Variants in PREX2 observed in about 807,000 individuals in gnomAD.
PREX2 encodes phosphatidylinositol-3,4,5-trisphosphate dependent Rac exchange factor 2.
A neutral mutation model predicts 203.2 loss-of-function variants in PREX2; 107 were observed. The ratio of observed to expected loss-of-function variants is 0.53; its 90% CI spans 0.45 to 0.62. PREX2 has a LOEUF of 0.62. PREX2 is among the 20% of genes least tolerant of loss of function. The pLI is 0.00. For synonymous variants in PREX2, 672 were observed against 663.6 expected, an observed-to-expected ratio of 1.01 and a Z score of -0.19; for missense variants, 1,777 against 1,955.9, an observed-to-expected ratio of 0.91 and a Z score of 1.72.
chr8:67,995,050 A>C (rs1176326144), intron 1 of PREX2, among the ~76,000 whole-genome samples: 16 of 151,942 alleles, frequency 1.1e-4, no homozygotes. Context: ...TCTCTCTTCC[A>C]CAGTATTGTT....
chr8:68,122,312 T>C (rs1462351965), intron 30 of PREX2, among the ~76,000 whole-genome samples: 1 of 152,082 alleles, frequency 6.6e-6, no homozygotes, highest in African/African-American at 2.4e-5. Context: ...TGCGATAAAA[T>C]CGTGTATTTG....
intron 34 of PREX2, among the ~76,000 whole-genome samples, chr8:68,154,055 C>G (rs1236668617): frequency 1.3e-5 from 2 of 152,212 alleles, no homozygotes; most frequent in African/African-American, 2.4e-5. Flanking sequence ...AAAATTAGTT[C>G]CCAGGTGGTT....
At chr8:67,996,330 G>A (rs539141154) in intron 1 of PREX2, among the ~76,000 whole-genome samples, 4 of 151,792 alleles carry the variant, frequency 2.6e-5, no homozygotes, top group African/African-American at 7.3e-5. Context: ...TGAGTAGCTG[G>A]GACCACAGTC....
At chr8:68,004,584 G>A (rs1376549711) in intron 1 of PREX2, among the ~76,000 whole-genome samples, 3 of 152,298 alleles carry the variant, frequency 2.0e-5, no homozygotes, top group East Asian at 1.9e-4. Context: ...CAAATGATAC[G>A]AAACATTCTC....
At chr8:67,981,368 T>C (rs1019342335) in intron 1 of PREX2, among the ~76,000 whole-genome samples, 3 of 152,128 alleles carry the variant, frequency 2.0e-5, no homozygotes, top group African/African-American at 7.2e-5. Flanking sequence ...ACCAATGTAG[T>C]GGAAGTCTGA....
chr8:67,983,758 G>T (rs936600651), intron 1 of PREX2, among the ~76,000 whole-genome samples: 1 of 152,154 alleles, frequency 6.6e-6, no homozygotes. Context: ...TGCTTCCTTA[G>T]TAGTGATTAG....
chr8:68,222,637 GA>G (rs532847168), intron 38 of PREX2, among the ~76,000 whole-genome samples: 167 of 147,278 alleles, frequency 1.1e-3, no homozygotes, highest in Middle Eastern at 6.9e-3. Context: ...TAAAATCAGT[GA>G]GTGAAAGTTT....
chr8:68,199,455 A>G (rs1043909754), intron 37 of PREX2, among the ~76,000 whole-genome samples: 3 of 152,236 alleles, frequency 2.0e-5, no homozygotes, highest in Non-Finnish European at 4.4e-5. Flanking sequence ...TTGAATTACC[A>G]AGGCTCTACC....
chr8:67,993,210 A>G lies in PREX2; in HGVS notation c.142-24636A>G, dbSNP rs374965160. 5.3e-5 allele frequency among the ~76,000 whole-genome samples: 8 copies of G among 152,210 alleles called. No individual in the cohort carries two copies. In the East Asian group the frequency reaches 1.4e-3, roughly 26 times the overall value. On this transcript the variant is annotated intron_variant, in intron 1 of 39. Transcript: ENST00000288368. ...TTTTCTCAAGTTAAAACCTTGCTTC[A>G]ATTGTATCATCTGACTATACTCACA...
chr8:68,115,569 A>C (rs756763686), intron 25 of PREX2, among the ~76,000 whole-genome samples, 184 bp from the exon 26 acceptor site: 4 of 147,966 alleles, frequency 2.7e-5, no homozygotes, highest in Non-Finnish European at 5.9e-5. Flanking sequence ...TGTTTGTATG[A>C]CTTATTTTGT....
At chr8:68,194,716 G>A (rs1470045461) in intron 37 of PREX2, among the ~76,000 whole-genome samples, 20 of 151,898 alleles carry the variant, frequency 1.3e-4, no homozygotes, top group Non-Finnish European at 8.8e-5. Flanking sequence ...CAGGAGAATC[G>A]CTTGAATCTG....
intron 26 of PREX2, 67 bp downstream of exon 26, chr8:68,115,999 A>G (rs1001224441): frequency 7.1e-7 from 1 of 1,400,122 alleles, no homozygotes; most frequent in South Asian, 1.5e-5. Flanking sequence ...TTTTCCACAA[A>G]GATCTTGAAA....
intron 1 of PREX2, among the ~76,000 whole-genome samples, chr8:67,968,552 G>A (rs184535691): frequency 1.3e-5 from 2 of 152,282 alleles, no homozygotes; most frequent in East Asian, 3.9e-4. Context: ...GAATTTAGCT[G>A]TCTGTATTTT....
At position 68,109,503 on chromosome 8, in the gene PREX2, A is replaced by T. The variant is rs201190724; in HGVS notation, c.3026A>T (p.His1009Leu). 3.4e-4 allele frequency: 543 copies of T among 1,613,972 alleles called. No homozygotes were observed. The highest frequency in any genetic ancestry group is 4.5e-4 in the Non-Finnish European group (527 of 1,179,954). ...SGLSLGQQDGHGLRYLLKEED... is the reference protein window; with the variant it reads ...SGLSLGQQDGLGLRYLLKEED... ...CTGTCTCTGGGACAGCAGGATGGCC[A>T]TGGTCTCAGGTATCTGCTAAAAGAA... Residue 1009 changes from histidine (H) to leucine (L), a missense_variant, in exon 25 of 40, where the codon CAT becomes CTT. Coordinates refer to ENST00000288368, the MANE Select transcript of PREX2 (RefSeq NM_024870.4).
At chr8:68,145,713 A>G (rs1811311623) in intron 33 of PREX2, among the ~76,000 whole-genome samples, 1 of 152,096 alleles carries the variant, frequency 6.6e-6, no homozygotes, top group African/African-American at 2.4e-5. Context: ...ACAATTTTTA[A>G]TGACTGTGGG....
In PREX2 at chr8:67,983,941, T is replaced by C. The variant is rs558494489; in HGVS notation, c.141+31406T>C. Among the ~76,000 whole-genome samples the C allele has an allele frequency of 5.3e-5, 8 of 152,104 alleles. No individual in the cohort carries two copies. In the East Asian group the frequency reaches 1.6e-3, roughly 30 times the overall value. On this transcript the variant is annotated intron_variant, in intron 1 of 39. Coordinates refer to ENST00000288368, the MANE Select transcript of PREX2 (RefSeq NM_024870.4). ...ATTGAGGTGATACCTGTAAAGAGTG[T>C]AGGACAGTGCCTGGCACATAGTAGT...
chr8:68,088,342 A>AT (rs1384519399), intron 19 of PREX2, among the ~76,000 whole-genome samples: 2 of 152,178 alleles, frequency 1.3e-5, no homozygotes, highest in Non-Finnish European at 2.9e-5. Context: ...TATCATATGT[A>AT]TTTTTTAAAT....
intron 37 of PREX2, among the ~76,000 whole-genome samples, chr8:68,216,345 A>G (rs527958419): frequency 2.6e-5 from 4 of 152,334 alleles, no homozygotes; most frequent in South Asian, 2.1e-4. Flanking sequence ...GCAGGGAAAA[A>G]TACTAGACAG....
At chr8:68,105,817 C>T (rs1810395394) in intron 23 of PREX2, 1 of 153,554 alleles carries the variant, frequency 6.5e-6, no homozygotes, top group Non-Finnish European at 1.4e-5. Flanking sequence ...TCTACTTTTT[C>T]TATGTTCAGA....
Sources: gnomAD v4.1 joint callset for allele counts (sites outside exome capture counted in the v4.1 genomes callset) on GRCh38, gnomAD v4.1.1 for gene constraint, MANE v1.5 for transcripts, NCBI Gene and HGNC (gene_info 2026-07-23, HGNC 2026-07-21) for gene names.